ZDHHC21: variants seen among roughly 807,000 people sequenced by gnomAD.
ZDHHC21 encodes zDHHC palmitoyltransferase 21.
Under a neutral mutation model 34.6 loss-of-function variants are expected in ZDHHC21, and 15 were observed. The observed-to-expected ratio is 0.43, with a 90% CI of 0.29 to 0.67. The LOEUF is 0.67. Ranked by LOEUF, ZDHHC21 falls within the 30% of genes least tolerant of loss-of-function variation. The pLI is 0.14. For synonymous variants in ZDHHC21, 142 were observed against 101.8 expected, an observed-to-expected ratio of 1.40 and a Z score of -2.38; for missense variants, 344 against 327.7, an observed-to-expected ratio of 1.05 and a Z score of -0.38.
At chr9:14,644,183 A>G (rs887952637) in intron 7 of ZDHHC21, among the ~76,000 whole-genome samples, 3 of 152,170 alleles carry the variant, frequency 2.0e-5, no homozygotes, top group Non-Finnish European at 2.9e-5. Context: ...TTCATTGTCT[A>G]AAGGTTTGTT....
At position 14,664,036 on chromosome 9, in the gene ZDHHC21, C is replaced by CTACA. The variant is rs961292877; in HGVS notation, c.254-1714_254-1711dup. Reference sequence around the variant, plus strand: ...ATGGCCGAATAGGAACAGCTCCGGTCTACAGCTCCCAGCGTGAGCGACGCA... The same window carrying CTACA: ...ATGGCCGAATAGGAACAGCTCCGGTCTACATACAGCTCCCAGCGTGAGCGACGCA... On this transcript the variant is annotated intron_variant, in intron 5 of 9. Transcript: ENST00000380916. 1.6e-4 allele frequency among the ~76,000 whole-genome samples: 25 copies of CTACA among 152,304 alleles called. 1 individual carries two copies. Among genetic ancestry groups the CTACA allele is most frequent in the African/African-American group, 5.8e-4 (24 of 41,576 alleles).
At chr9:14,594,177 G>C in the ZDHHC21 span, 2 of 152,104 alleles carry the variant, frequency 1.3e-5, no homozygotes, top group African/African-American at 2.4e-5. Context: ...CTATGACCTG[G>C]TCACGGTGCA....
intron 7 of ZDHHC21, among the ~76,000 whole-genome samples, chr9:14,645,624 GT>G (rs1213288665): frequency 6.6e-6 from 1 of 151,942 alleles, no homozygotes; most frequent in Admixed American, 6.6e-5. Flanking sequence ...TAAAACCTCT[GT>G]TTACCAAAAA....
chr9:14,609,778 T>C (rs1324761796), downstream of ZDHHC21, among the ~76,000 whole-genome samples: 5 of 152,116 alleles, frequency 3.3e-5, no homozygotes, highest in Admixed American at 2.0e-4. Flanking sequence ...TGACTCCACA[T>C]TGGAACTAAC....
At chr9:14,684,337 A>C (rs1421563429) in intron 2 of ZDHHC21, among the ~76,000 whole-genome samples, 2 of 151,798 alleles carry the variant, frequency 1.3e-5, no homozygotes, top group African/African-American at 4.8e-5. Context: ...TTAAGCTGAT[A>C]AGCAACTTCA....
intron 7 of ZDHHC21, among the ~76,000 whole-genome samples, chr9:14,653,483 T>C (rs1587157468): frequency 6.6e-6 from 1 of 152,026 alleles, no homozygotes; most frequent in South Asian, 2.1e-4. Flanking sequence ...TTAGAGAAGT[T>C]TGTTATACTG....
In ZDHHC21 at chr9:14,664,465, T is replaced by G. The variant is rs1348725862; in HGVS notation, c.254-2139A>C. Among the ~76,000 whole-genome samples, 5 of 151,534 alleles carry G rather than the reference T, an allele frequency of 3.3e-5. No homozygotes were observed. In the East Asian group the frequency reaches 9.8e-4, roughly 30 times the overall value. On this transcript the variant is annotated intron_variant, in intron 5 of 9. Coordinates refer to ENST00000380916, the MANE Select transcript of ZDHHC21 (RefSeq NM_178566.6). ...CCGCCATTGCCCAGGCTTGCTTAGG[T>G]AGACAAAGCAGCCGGGAAGCTCGAA...
intron 1 of ZDHHC21, 36 bp from the exon 2 acceptor site, chr9:14,690,421 T>C (rs10961672): frequency 0.94 from 421,688 of 448,810 alleles, 198,392 homozygotes; most frequent in Middle Eastern, 0.95. Context: ...AATCAGAAGC[T>C]TGGTTGACAT....
chr9:14,610,937 T>C (rs1823206591), downstream of ZDHHC21: 2 of 152,014 alleles, frequency 1.3e-5, no homozygotes, highest in South Asian at 4.1e-4. Flanking sequence ...AACAATATCC[T>C]AAGGCTAGTA....
At position 14,658,296 on chromosome 9, in the gene ZDHHC21, C is replaced by T. The variant is rs535887093; in HGVS notation, c.504+453G>A. 3.3e-5 allele frequency among the ~76,000 whole-genome samples: 5 copies of T among 152,062 alleles called. No homozygotes were observed. The East Asian group carries it at 9.7e-4, about 29-fold the overall frequency. On this transcript the variant is annotated intron_variant, in intron 7 of 9. Transcript: ENST00000380916. ...TAAAAGGAAATGTCAGACTAGGGCC[C>T]ACTTTCTCAATCCCAATATAGTTCA...
In ZDHHC21 at chr9:14,621,852, A is replaced by C. The variant is rs549906918; in HGVS notation, c.622-2170T>G. Among the ~76,000 whole-genome samples the C allele has an allele frequency of 2.0e-5, 3 of 152,248 alleles. No individual in the cohort carries two copies. In the South Asian group the frequency reaches 6.2e-4, roughly 32 times the overall value. On this transcript the variant is annotated intron_variant, in intron 8 of 9. Coordinates refer to ENST00000380916, the MANE Select transcript of ZDHHC21 (RefSeq NM_178566.6). ...AACCACAAGTTATCCTCAAGTGTCA[A>C]ATTAAGTTAAATATACTTTTGGAAT... is the stretch of plus-strand genomic sequence containing the variant.
chr9:14,664,752 C>T (rs1381258962), intron 5 of ZDHHC21, among the ~76,000 whole-genome samples: 5 of 152,014 alleles, frequency 3.3e-5, no homozygotes, highest in South Asian at 2.1e-4. Context: ...ACATCTCACA[C>T]AGCAGGGTAT....
At chr9:14,619,484 G>C (rs1025741127) in intron 9 of ZDHHC21, among the ~76,000 whole-genome samples, 155 bp downstream of exon 9, 1 of 152,062 alleles carries the variant, frequency 6.6e-6, no homozygotes, top group African/African-American at 2.4e-5. Context: ...AACCCCTACT[G>C]TAAGACTGGG....
In ZDHHC21 at chr9:14,651,653, T is replaced by C. The variant is rs189141815; in HGVS notation, c.504+7096A>G. Among the ~76,000 whole-genome samples, 726 of 151,974 alleles carry C rather than the reference T, an allele frequency of 4.8e-3. 3 individuals are homozygous for C. The highest frequency in any genetic ancestry group is 0.015 in the African/African-American group (641 of 41,506). ...AAAATATTCATGGATAAACATACAA[T>C]AAATTTAAGAAGGTATACTCTTTAA... is the stretch of plus-strand genomic sequence containing the variant. On this transcript the variant is annotated intron_variant, in intron 7 of 9. Transcript: ENST00000380916.
intron 8 of ZDHHC21, chr9:14,622,725 T>C (rs967934761): frequency 1.2e-5 from 12 of 985,216 alleles, no homozygotes; most frequent in Non-Finnish European, 1.4e-5. Context: ...AAACAATCTG[T>C]TATATGACTA....
intron 8 of ZDHHC21, among the ~76,000 whole-genome samples, chr9:14,623,898 C>T (rs553545752): frequency 6.6e-6 from 1 of 151,930 alleles, no homozygotes; most frequent in Non-Finnish European, 1.5e-5. Flanking sequence ...TGGGGAAGAA[C>T]CTTTACTCTT....
intron 8 of ZDHHC21, among the ~76,000 whole-genome samples, chr9:14,638,655 T>C (rs547222364): frequency 4.6e-4 from 69 of 150,390 alleles, no homozygotes; most frequent in Non-Finnish European, 8.4e-4. Context: ...ACCCAGAATA[T>C]ACAAGGAACT....
chr9:14,678,620 A>G (rs1836838046), intron 3 of ZDHHC21, among the ~76,000 whole-genome samples: 1 of 152,124 alleles, frequency 6.6e-6, no homozygotes, highest in African/African-American at 2.4e-5. Flanking sequence ...ATTTGGCAGT[A>G]TGTATCAAAA....
At chr9:14,593,002 A>G in the ZDHHC21 span, among the ~76,000 whole-genome samples, 3 of 152,184 alleles carry the variant, frequency 2.0e-5, no homozygotes, top group African/African-American at 7.2e-5. Context: ...TATGTGGTAC[A>G]GCTAAAGTAG....
Sources: gnomAD v4.1 joint callset for allele counts (sites outside exome capture counted in the v4.1 genomes callset) on GRCh38, gnomAD v4.1.1 for gene constraint, MANE v1.5 for transcripts, NCBI Gene and HGNC (gene_info 2026-07-23, HGNC 2026-07-21) for gene names.